ESRRG: variants seen among roughly 807,000 people sequenced by gnomAD.
ESRRG encodes estrogen related receptor gamma.
ESRRG carries 13 observed loss-of-function variants against 44.0 expected under a neutral mutation model. The ratio of observed to expected loss-of-function variants is 0.30; its 90% CI spans 0.19 to 0.47. ESRRG has a LOEUF of 0.47. ESRRG is among the 20% of genes least tolerant of loss of function. The pLI is 1.00. For synonymous variants in ESRRG, 215 were observed against 214.6 expected, an observed-to-expected ratio of 1.00 and a Z score of -0.02; for missense variants, 395 against 580.6, an observed-to-expected ratio of 0.68 and a Z score of 3.29.
intron 2 of ESRRG, among the ~76,000 whole-genome samples, chr1:216,828,659 C>T (rs1216626017): frequency 6.6e-6 from 1 of 152,120 alleles, no homozygotes; most frequent in Non-Finnish European, 1.5e-5. Flanking sequence ...AACTCGGGCA[C>T]AGGGAATAAA....
intron 1 of ESRRG, among the ~76,000 whole-genome samples, chr1:217,135,489 G>T (rs545848322): frequency 4.6e-5 from 7 of 152,098 alleles, no homozygotes; most frequent in African/African-American, 1.7e-4. Context: ...GGTTGAAGGG[G>T]CAGAGGCGGA....
chr1:216,847,515 G>T (rs1015482162), intron 2 of ESRRG, among the ~76,000 whole-genome samples: 1 of 151,968 alleles, frequency 6.6e-6, no homozygotes, highest in Non-Finnish European at 1.5e-5. Flanking sequence ...TTCTGTCATG[G>T]TTTCTTTTTA....
chr1:216,773,898 T>G (rs974493424), intron 2 of ESRRG, among the ~76,000 whole-genome samples: 1 of 152,108 alleles, frequency 6.6e-6, no homozygotes, highest in Non-Finnish European at 1.5e-5. Flanking sequence ...GCCCAAGGAC[T>G]GAATAGATTT....
rs182597554 is a variant in ESRRG at position 216,687,453 on chromosome 1, A to G, written c.57-9962T>C. On this transcript the variant is annotated intron_variant, in intron 1 of 6. Coordinates refer to ENST00000408911, the MANE Select transcript of ESRRG (RefSeq NM_001438.4). ...CAACTGTTAGTTGCTCGCTCAAAGA[A>G]TCTTCTCTTCATTTTTGGAGTGATT... Among the ~76,000 whole-genome samples the G allele has an allele frequency of 3.0e-3, 453 of 152,238 alleles. 2 individuals carry two copies. The highest frequency in any genetic ancestry group is 4.4e-3 in the Admixed American group (68 of 15,296).
intron 2 of ESRRG, among the ~76,000 whole-genome samples, chr1:216,925,948 T>C (rs1042079836): frequency 3.9e-5 from 6 of 152,028 alleles, no homozygotes; most frequent in African/African-American, 1.5e-4. Context: ...AGACTCTGTC[T>C]CCAGAAAAAA....
intron 2 of ESRRG, among the ~76,000 whole-genome samples, chr1:216,885,970 C>T (rs1022178741): frequency 1.4e-4 from 21 of 151,912 alleles, no homozygotes; most frequent in African/African-American, 4.4e-4. Context: ...TAACCATCTT[C>T]GTCCCTTTTT....
rs534211462 is a variant in ESRRG at position 216,702,993 on chromosome 1, C to A, written c.56+20251G>T. On this transcript the variant is annotated intron_variant, in intron 1 of 6. Coordinates refer to ENST00000408911, the MANE Select transcript of ESRRG (RefSeq NM_001438.4). ...AAATTTTAAAAAAATAATAATAAAT[C>A]AGCACTGTGAGTTGTGGTGAATACA... Among the ~76,000 whole-genome samples the A allele has an allele frequency of 7.9e-5, 12 of 152,142 alleles. No homozygotes were observed. In the South Asian group the frequency reaches 1.9e-3, roughly 24 times the overall value.
At chr1:216,798,509 C>T (rs2094532527) in intron 2 of ESRRG, among the ~76,000 whole-genome samples, 1 of 152,090 alleles carries the variant, frequency 6.6e-6, no homozygotes, top group African/African-American at 2.4e-5. Context: ...GGAAGGGCTG[C>T]CTCCTGAAAA....
At chr1:216,812,883 G>T (rs2148490547) in intron 2 of ESRRG, among the ~76,000 whole-genome samples, 1 of 152,266 alleles carries the variant, frequency 6.6e-6, no homozygotes, top group East Asian at 1.9e-4. Flanking sequence ...TATTTTCTAT[G>T]CCATATAGCA....
At chr1:216,783,779 T>C (rs749731776) in intron 2 of ESRRG, among the ~76,000 whole-genome samples, 1 of 152,132 alleles carries the variant, frequency 6.6e-6, no homozygotes, top group East Asian at 1.9e-4. Flanking sequence ...ATTCTTCCCA[T>C]AGGACTCCTA....
chr1:216,893,383 C>T (rs1461167196), intron 2 of ESRRG, among the ~76,000 whole-genome samples: 1 of 152,108 alleles, frequency 6.6e-6, no homozygotes, highest in Non-Finnish European at 1.5e-5. Flanking sequence ...ACTGAAATTC[C>T]AGTGTCTAAT....
At chr1:216,887,956 G>T (rs1214362812) in intron 2 of ESRRG, among the ~76,000 whole-genome samples, 2 of 151,736 alleles carry the variant, frequency 1.3e-5, no homozygotes, top group Non-Finnish European at 2.9e-5. Context: ...TCATTGTTAT[G>T]GTGGTTTCTC....
chr1:217,091,527 G>C (rs974890817), upstream of ESRRG, among the ~76,000 whole-genome samples: 13 of 152,200 alleles, frequency 8.5e-5, no homozygotes, highest in African/African-American at 3.1e-4. Context: ...TAATTATGCA[G>C]AGACCAGATG....
chr1:216,588,100 CT>C (rs913825950), intron 3 of ESRRG, among the ~76,000 whole-genome samples: 21 of 152,240 alleles, frequency 1.4e-4, no homozygotes, highest in African/African-American at 5.1e-4. Flanking sequence ...TGTATTCCCC[CT>C]GGTGGATGCT....
chr1:216,805,524 T>G (rs1276402310), intron 2 of ESRRG, among the ~76,000 whole-genome samples: 1 of 152,146 alleles, frequency 6.6e-6, no homozygotes, highest in Non-Finnish European at 1.5e-5. Context: ...GGGTCACAAG[T>G]GAAATTCCCT....
intron 5 of ESRRG, among the ~76,000 whole-genome samples, chr1:216,527,831 GAC>G (rs2048140266): frequency 6.6e-6 from 1 of 152,164 alleles, no homozygotes; most frequent in Non-Finnish European, 1.5e-5. Flanking sequence ...ATAAGCAGGA[GAC>G]ACAGAGCTGA....
At chr1:216,849,919 A>C (rs2095816106) in intron 2 of ESRRG, among the ~76,000 whole-genome samples, 1 of 152,132 alleles carries the variant, frequency 6.6e-6, no homozygotes, top group Admixed American at 6.6e-5. Flanking sequence ...TCTTCAGCAG[A>C]AAGAAGTTTA....
At chr1:216,686,833 C>T (rs971861447) in intron 1 of ESRRG, among the ~76,000 whole-genome samples, 11 of 152,098 alleles carry the variant, frequency 7.2e-5, no homozygotes, top group African/African-American at 2.7e-4. Flanking sequence ...CATTTGCCTA[C>T]GTGTTTCGTA....
intron 1 of ESRRG, among the ~76,000 whole-genome samples, chr1:217,015,783 G>A (rs11117748): frequency 0.23 from 34,912 of 149,990 alleles, 4,470 homozygotes; most frequent in Middle Eastern, 0.42. Context: ...AGACTGGAGT[G>A]CAATGGCATG....
Sources: gnomAD v4.1 joint callset for allele counts (sites outside exome capture counted in the v4.1 genomes callset) on GRCh38, gnomAD v4.1.1 for gene constraint, MANE v1.5 for transcripts, NCBI Gene and HGNC (gene_info 2026-07-23, HGNC 2026-07-21) for gene names.